Variants in GALNTL6 observed in about 807,000 individuals in gnomAD.
The protein encoded by GALNTL6 is polypeptide N-acetylgalactosaminyltransferase like 6.
GALNTL6 carries 46 observed loss-of-function variants against 73.7 expected under a neutral mutation model. The observed-to-expected ratio is 0.62, with a 90% confidence interval of 0.49 to 0.80. The LOEUF (loss-of-function observed/expected upper bound fraction) is 0.80. Ranked by LOEUF, GALNTL6 falls within the 30% of genes least tolerant of loss-of-function variation. The pLI is 0.00. For missense variants in GALNTL6, 604 were observed against 755.0 expected, an observed-to-expected ratio of 0.80 and a Z score of 2.34; for synonymous variants, 259 against 263.7, an observed-to-expected ratio of 0.98 and a Z score of 0.17.
At chr4:171,929,182 T>C (rs778333336) in intron 2 of GALNTL6, among the ~76,000 whole-genome samples, 1 of 152,070 alleles carries the variant, frequency 6.6e-6, no homozygotes, top group Non-Finnish European at 1.5e-5. Context: ...TCCTCCCATC[T>C]CAACCTCCCA....
intron 5 of GALNTL6, among the ~76,000 whole-genome samples, chr4:172,405,611 T>C (rs1303372408): frequency 6.6e-6 from 1 of 151,696 alleles, no homozygotes; most frequent in Non-Finnish European, 1.5e-5. Context: ...ACCTGAGCTT[T>C]GTGTCTTGAA....
At chr4:172,959,807 C>T (rs1417504036) in intron 10 of GALNTL6, among the ~76,000 whole-genome samples, 1 of 152,174 alleles carries the variant, frequency 6.6e-6, no homozygotes, top group Non-Finnish European at 1.5e-5. Flanking sequence ...TTCCTTGGCC[C>T]AGTGGCCAGA....
intron 5 of GALNTL6, among the ~76,000 whole-genome samples, chr4:172,704,143 C>T (rs1415961716): frequency 1.3e-5 from 2 of 151,538 alleles, no homozygotes; most frequent in Non-Finnish European, 1.5e-5. Flanking sequence ...TTTAAAAAAC[C>T]AACTTTTTAT....
At chr4:172,038,335 C>A (rs371613062) in intron 2 of GALNTL6, among the ~76,000 whole-genome samples, 3 of 151,592 alleles carry the variant, frequency 2.0e-5, no homozygotes, top group Non-Finnish European at 4.4e-5. Flanking sequence ...GTATTTTTTT[C>A]TTCTCTTTTA....
intron 5 of GALNTL6, among the ~76,000 whole-genome samples, chr4:172,446,761 C>T (rs1030713506): frequency 2.0e-5 from 3 of 152,106 alleles, no homozygotes. Flanking sequence ...AGCAGCAACA[C>T]TCATAGCCTT....
intron 4 of GALNTL6, among the ~76,000 whole-genome samples, chr4:172,333,447 G>A (rs1399816025): frequency 6.6e-6 from 1 of 151,984 alleles, no homozygotes; most frequent in African/African-American, 2.4e-5. Context: ...AAAACGAAAT[G>A]TACATTGATG....
At chr4:171,901,517 C>T (rs1477548555) in intron 2 of GALNTL6, among the ~76,000 whole-genome samples, 2 of 152,140 alleles carry the variant, frequency 1.3e-5, no homozygotes, top group Non-Finnish European at 2.9e-5. Context: ...CCCCACTCCC[C>T]TTCCTCATGT....
chr4:172,707,360 G>C (rs1734417361), intron 5 of GALNTL6, among the ~76,000 whole-genome samples: 1 of 152,144 alleles, frequency 6.6e-6, no homozygotes, highest in South Asian at 2.1e-4. Context: ...TAGTCAGATA[G>C]ATCTGCCCTA....
chr4:172,136,954 A>G (rs1471528974), intron 2 of GALNTL6, among the ~76,000 whole-genome samples: 3 of 152,080 alleles, frequency 2.0e-5, no homozygotes, highest in Non-Finnish European at 2.9e-5. Context: ...TACCTTTCCT[A>G]TTAGCCATGG....
At chr4:172,392,138 G>A (rs983529540) in intron 5 of GALNTL6, among the ~76,000 whole-genome samples, 4 of 151,772 alleles carry the variant, frequency 2.6e-5, no homozygotes, top group Admixed American at 1.3e-4. Flanking sequence ...ACAGGTGTAC[G>A]CCACCACACC....
chr4:172,355,187 C>T (rs1742106989), intron 5 of GALNTL6, among the ~76,000 whole-genome samples: 1 of 151,968 alleles, frequency 6.6e-6, no homozygotes, highest in Non-Finnish European at 1.5e-5. Flanking sequence ...TATCTTCTGT[C>T]TTCTAAAGAA....
intron 2 of GALNTL6, among the ~76,000 whole-genome samples, chr4:172,147,526 G>A (rs1733958231): frequency 6.6e-6 from 1 of 152,148 alleles, no homozygotes; most frequent in African/African-American, 2.4e-5. Flanking sequence ...TAGAAAATCA[G>A]TTAGCCTATG....
At chr4:172,292,076 G>T (rs929372360) in intron 3 of GALNTL6, among the ~76,000 whole-genome samples, 28 of 152,006 alleles carry the variant, frequency 1.8e-4, no homozygotes, top group Admixed American at 1.3e-4. Flanking sequence ...TTAATATAAT[G>T]GTGATCAGTT....
intron 2 of GALNTL6, among the ~76,000 whole-genome samples, chr4:171,904,760 C>T (rs1328506003): frequency 6.6e-6 from 1 of 152,164 alleles, no homozygotes; most frequent in East Asian, 1.9e-4. Context: ...TCGGGTTACC[C>T]TCAAAGGGAA....
At chr4:171,836,544 A>C (rs966220497) in intron 2 of GALNTL6, among the ~76,000 whole-genome samples, 2 of 152,146 alleles carry the variant, frequency 1.3e-5, no homozygotes, top group African/African-American at 4.8e-5. Flanking sequence ...ACCACACACT[A>C]TTTGAATGCT....
intron 2 of GALNTL6, among the ~76,000 whole-genome samples, chr4:172,088,897 AG>A (rs970007802): frequency 4.3e-4 from 66 of 152,312 alleles, no homozygotes; most frequent in African/African-American, 1.5e-3. Flanking sequence ...CGTTTCCTTC[AG>A]TCCCCTGTTT....
intron 5 of GALNTL6, among the ~76,000 whole-genome samples, chr4:172,426,657 C>T (rs759669906): frequency 1.3e-5 from 2 of 152,062 alleles, no homozygotes; most frequent in Non-Finnish European, 2.9e-5. Context: ...AAGCTGTCTG[C>T]CATTTACAAA....
At chr4:172,311,793 G>T (rs168011) in intron 4 of GALNTL6, 41 bp downstream of exon 4, 888,731 of 1,391,236 alleles carry the variant, frequency 0.64, 289,726 homozygotes, top group East Asian at 0.8. Context: ...GGTTTTTTTG[G>T]TTTTTTTTGT....
intron 5 of GALNTL6, among the ~76,000 whole-genome samples, chr4:172,544,360 G>T (rs141016390): frequency 7.9e-5 from 12 of 152,264 alleles, no homozygotes; most frequent in African/African-American, 2.9e-4. Flanking sequence ...ATGAGTTGTG[G>T]TTCTCAAGGG....
Sources: allele counts gnomAD v4.1 joint callset (sites outside exome capture counted in the v4.1 genomes callset), GRCh38; gene constraint gnomAD v4.1.1; transcripts MANE v1.5; gene names NCBI Gene and HGNC (gene_info 2026-07-23, HGNC 2026-07-21).